The following SLC9A9 variants were observed in gnomAD, a reference collection of about 807,000 sequenced individuals.
The protein encoded by SLC9A9 is sodium/hydrogen exchanger 9.
A neutral mutation model predicts 77.8 loss-of-function variants in SLC9A9; 62 were observed. The observed-to-expected ratio is 0.80, with a 90% CI of 0.65 to 0.98. SLC9A9 has a LOEUF of 0.98. Ranked by LOEUF, SLC9A9 falls within the 50% of genes least tolerant of loss-of-function variation. The pLI, the probability that SLC9A9 is intolerant of heterozygous loss-of-function variation, is 0.00. For synonymous variants in SLC9A9, 320 were observed against 283.5 expected, an observed-to-expected ratio of 1.13 and a Z score of -1.29; for missense variants, 775 against 774.9, an observed-to-expected ratio of 1.00 and a Z score of 0.00.
At chr3:143,305,782 C>T (rs1239036297) in intron 14 of SLC9A9, among the ~76,000 whole-genome samples, 1 of 152,170 alleles carries the variant, frequency 6.6e-6, no homozygotes, top group Non-Finnish European at 1.5e-5. Context: ...CTGAAGATAA[C>T]AAGGGGTGTG....
At chr3:143,405,324 C>T (rs535251374) in intron 12 of SLC9A9, among the ~76,000 whole-genome samples, 11 of 152,292 alleles carry the variant, frequency 7.2e-5, no homozygotes, top group African/African-American at 2.6e-4. Flanking sequence ...GGCTGTGGAG[C>T]CGTAGACCTC....
At chr3:143,652,514 T>A (rs1369606336) in intron 5 of SLC9A9, among the ~76,000 whole-genome samples, 154 bp from the exon 6 acceptor site, 1 of 152,142 alleles carries the variant, frequency 6.6e-6, no homozygotes, top group East Asian at 1.9e-4. Context: ...AAATATCTGA[T>A]GCTTAAGAGG....
At position 143,668,935 on chromosome 3, in the gene SLC9A9, C is replaced by T. The variant is rs1043262044; in HGVS notation, c.650-16575G>A. Among the ~76,000 whole-genome samples the T allele has an allele frequency of 3.9e-5, 6 of 151,952 alleles. No homozygotes were observed. In the East Asian group the frequency reaches 7.7e-4, roughly 20 times the overall value. On this transcript the variant is annotated intron_variant, in intron 5 of 15. Coordinates refer to ENST00000316549, the MANE Select transcript of SLC9A9 (RefSeq NM_173653.4). ...AGGTCAATTCTTGTCCTTTCTTGGC[C>T]GCTTTTCAAGAAATCCTGCCCAAGA...
At chr3:143,445,061 G>A (rs2034817680) in intron 12 of SLC9A9, among the ~76,000 whole-genome samples, 1 of 152,074 alleles carries the variant, frequency 6.6e-6, no homozygotes, top group Non-Finnish European at 1.5e-5. Flanking sequence ...TAACATTCTA[G>A]GTCAGAAAGT....
chr3:143,771,780 C>A (rs1219451705), intron 4 of SLC9A9, among the ~76,000 whole-genome samples: 1 of 152,224 alleles, frequency 6.6e-6, no homozygotes, highest in Non-Finnish European at 1.5e-5. Flanking sequence ...AGGCTCTTTT[C>A]TCCTCTTGTC....
intron 1 of SLC9A9, among the ~76,000 whole-genome samples, chr3:143,840,553 G>A (rs1255922483): frequency 1.3e-5 from 2 of 152,200 alleles, no homozygotes; most frequent in Non-Finnish European, 2.9e-5. Context: ...CTGGGACAAT[G>A]TTTCCAGGTA....
At chr3:143,621,188 G>T (rs1437829014) in intron 6 of SLC9A9, among the ~76,000 whole-genome samples, 1 of 152,184 alleles carries the variant, frequency 6.6e-6, no homozygotes, top group Non-Finnish European at 1.5e-5. Flanking sequence ...CACCTCTGGG[G>T]GCAGGGCATT....
chr3:143,618,388 T>C (rs188899536), intron 6 of SLC9A9, among the ~76,000 whole-genome samples: 1 of 152,268 alleles, frequency 6.6e-6, no homozygotes, highest in Non-Finnish European at 1.5e-5. Context: ...GAGCCTTCCA[T>C]AATAGGAGTA....
chr3:143,397,909 A>G (rs868536019), intron 12 of SLC9A9, among the ~76,000 whole-genome samples: 5 of 152,356 alleles, frequency 3.3e-5, no homozygotes, highest in South Asian at 4.1e-4. Context: ...ATATATTTAA[A>G]GAACTGTAAA....
chr3:143,722,096 G>A (rs1232336825), intron 4 of SLC9A9, among the ~76,000 whole-genome samples: 3 of 152,170 alleles, frequency 2.0e-5, no homozygotes, highest in South Asian at 2.1e-4. Flanking sequence ...GGGGAGAAGT[G>A]TATCAAACTG....
At chr3:143,690,090 T>A (rs937282514) in intron 5 of SLC9A9, among the ~76,000 whole-genome samples, 2 of 152,026 alleles carry the variant, frequency 1.3e-5, no homozygotes, top group African/African-American at 4.8e-5. Flanking sequence ...TAACTGTACA[T>A]CACTAGTGGG....
At chr3:143,836,186 C>T (rs1267009662) in intron 1 of SLC9A9, among the ~76,000 whole-genome samples, 1 of 152,210 alleles carries the variant, frequency 6.6e-6, no homozygotes, top group Non-Finnish European at 1.5e-5. Flanking sequence ...CATTGAACTC[C>T]TTCATCTTTG....
chr3:143,282,551 T>C (rs1252551484), intron 14 of SLC9A9, among the ~76,000 whole-genome samples: 1 of 152,152 alleles, frequency 6.6e-6, no homozygotes, highest in African/African-American at 2.4e-5. Flanking sequence ...TCAGAATGGG[T>C]GGCCAATGAA....
chr3:143,629,962 C>G (rs1361267269), intron 6 of SLC9A9, among the ~76,000 whole-genome samples: 2 of 152,060 alleles, frequency 1.3e-5, no homozygotes, highest in East Asian at 1.9e-4. Flanking sequence ...GCAGAGAAAT[C>G]ATTTTTGGCA....
chr3:143,328,785 A>T (rs1227199489), intron 14 of SLC9A9, among the ~76,000 whole-genome samples: 1 of 152,178 alleles, frequency 6.6e-6, no homozygotes, highest in African/African-American at 2.4e-5. Context: ...TTTTCCCCCT[A>T]ATATTCGCTT....
intron 14 of SLC9A9, among the ~76,000 whole-genome samples, chr3:143,359,446 A>G (rs146825364): frequency 1.3e-5 from 2 of 152,274 alleles, no homozygotes; most frequent in East Asian, 3.9e-4. Flanking sequence ...ATTTAGATAT[A>G]GCGCCAGGGA....
chr3:143,697,276 A>G (rs1167811615), intron 4 of SLC9A9, among the ~76,000 whole-genome samples: 1 of 152,158 alleles, frequency 6.6e-6, no homozygotes, highest in Non-Finnish European at 1.5e-5. Flanking sequence ...ACTTAGGCAT[A>G]CATATAAACA....
At position 143,573,235 on chromosome 3, in the gene SLC9A9, G is replaced by A. The variant is rs1436530040; in HGVS notation, c.1000+853C>T. Among the ~76,000 whole-genome samples, 4 of 152,094 alleles carry A rather than the reference G, an allele frequency of 2.6e-5. No individual in the cohort carries two copies. The East Asian group carries it at 7.7e-4, about 29-fold the overall frequency. Reference sequence around the variant, plus strand: ...CTATTAAAATGCAAACACCGAGGGAGGTATACCTTGCTACCAGTTACGAAG... The same window carrying A: ...CTATTAAAATGCAAACACCGAGGGAAGTATACCTTGCTACCAGTTACGAAG... On this transcript the variant is annotated intron_variant, in intron 8 of 15. Coordinates refer to ENST00000316549, the MANE Select transcript of SLC9A9 (RefSeq NM_173653.4).
At chr3:143,400,436 T>C (rs2108511550) in intron 12 of SLC9A9, among the ~76,000 whole-genome samples, 1 of 152,274 alleles carries the variant, frequency 6.6e-6, no homozygotes. Context: ...AACTCAGGAA[T>C]GGAAAACCAA....
Sources: allele counts gnomAD v4.1 joint callset (sites outside exome capture counted in the v4.1 genomes callset), GRCh38; gene constraint gnomAD v4.1.1; transcripts MANE v1.5; gene names NCBI Gene and HGNC (gene_info 2026-07-23, HGNC 2026-07-21).